Variants in CPVL observed in about 807,000 individuals in gnomAD.
CPVL encodes carboxypeptidase vitellogenic like.
CPVL carries 51 observed loss-of-function variants against 63.7 expected under a neutral mutation model. The ratio of observed to expected loss-of-function variants is 0.80; its 90% CI spans 0.64 to 1.01. CPVL has a LOEUF of 1.01. Ranked by LOEUF, CPVL falls within the 50% of genes least tolerant of loss-of-function variation. The pLI, the probability that CPVL is intolerant of heterozygous loss-of-function variation, is 0.00. For synonymous variants in CPVL, 195 were observed against 206.0 expected, an observed-to-expected ratio of 0.95 and a Z score of 0.46; for missense variants, 530 against 573.1, an observed-to-expected ratio of 0.92 and a Z score of 0.77.
At chr7:29,038,514 A>G (rs1788762326) in intron 11 of CPVL, among the ~76,000 whole-genome samples, 2 of 152,186 alleles carry the variant, frequency 1.3e-5, no homozygotes, top group African/African-American at 4.8e-5. Context: ...AGCCTGAACT[A>G]AGACAGTCAG....
At chr7:29,058,909 AT>A (rs1310863811) in intron 11 of CPVL, among the ~76,000 whole-genome samples, 1 of 151,620 alleles carries the variant, frequency 6.6e-6, no homozygotes, top group African/African-American at 2.4e-5. Context: ...ATCTGACTCC[AT>A]GTTTTCTGAG....
intron 4 of CPVL, among the ~76,000 whole-genome samples, chr7:29,184,151 TGATAGATAGATAGATAGATAGATA>T (rs56102038): frequency 1.4e-5 from 2 of 143,322 alleles, no homozygotes; most frequent in Admixed American, 7.2e-5. Flanking sequence ...TACAGATAGA[TGATAGATAGATAGATAGATAGATA>T]GATAGATAGA....
chr7:29,144,889 T>C (rs1202695340), intron 1 of CPVL, among the ~76,000 whole-genome samples: 2 of 152,182 alleles, frequency 1.3e-5, no homozygotes, highest in East Asian at 1.9e-4. Flanking sequence ...CTCAGGCTAG[T>C]AGAATCCCAC....
chr7:29,055,155 G>A (rs938310676), intron 11 of CPVL, among the ~76,000 whole-genome samples: 1 of 152,058 alleles, frequency 6.6e-6, no homozygotes, highest in African/African-American at 2.4e-5. Flanking sequence ...TTTGTGTTAG[G>A]TGACTTTTGA....
intron 6 of CPVL, among the ~76,000 whole-genome samples, 154 bp downstream of exon 6, chr7:29,092,469 C>G (rs538452361): frequency 1.7e-4 from 26 of 152,250 alleles, no homozygotes; most frequent in African/African-American, 3.9e-4. Context: ...AAATTCTGCT[C>G]TGTGTGTGTG....
At chr7:29,191,375 A>G (rs1248215041) in intron 1 of CPVL, among the ~76,000 whole-genome samples, 1 of 152,232 alleles carries the variant, frequency 6.6e-6, no homozygotes, top group Non-Finnish European at 1.5e-5. Flanking sequence ...CTTGGGAATC[A>G]GGGAAAACTT....
At chr7:29,113,956 G>T (rs970580137) in intron 2 of CPVL, among the ~76,000 whole-genome samples, 1 of 152,180 alleles carries the variant, frequency 6.6e-6, no homozygotes, top group African/African-American at 2.4e-5. Flanking sequence ...ATGTAAGTCT[G>T]AGCCATATTA....
Position 29,066,028 on chromosome 7 carries a change from A to G in CPVL, c.958T>C (p.Cys320Arg). ...GCSNYYNFLR[C>R]TEPEDQLYYV... ...GGTTTTTAAAATGTCATTACCGTGC[A>G]CCGCAAAAAGTTATAGTAATTACTA... Residue 320 changes from cysteine (C) to arginine (R), a missense_variant, in exon 10 of 13, where the codon TGC (cysteine) becomes CGC (arginine). Transcript: ENST00000265394. 6.3e-7 allele frequency: 1 copy of G among 1,577,118 alleles called. No homozygotes were observed. The highest frequency in any genetic ancestry group is 8.7e-7 in the Non-Finnish European group (1 of 1,155,906).
intron 11 of CPVL, among the ~76,000 whole-genome samples, chr7:29,056,014 T>G (rs1330597082): frequency 1.3e-5 from 2 of 152,144 alleles, no homozygotes; most frequent in African/African-American, 4.8e-5. Context: ...AAAAGGTAAA[T>G]TAATAAATTA....
Position 28,995,765 on chromosome 7 carries a change from A to G in CPVL, c.*7T>C. ...AAACCTCTGATGTTCTCTTTTGGGA[A>G]GGTAGTTTATCCAACATAAGGATCC... On this transcript the variant is annotated 3_prime_UTR_variant, in exon 13 of 13. Coordinates refer to ENST00000265394, the MANE Select transcript of CPVL (RefSeq NM_031311.5). 1 of 1,493,624 alleles carries G rather than the reference A, an allele frequency of 6.7e-7. No homozygotes were observed. The allele number at this position is 1,493,624 out of a possible 1,614,324, so 92.5% of individuals were successfully genotyped here.
At chr7:29,073,525 C>T (rs1451118144) in intron 7 of CPVL, among the ~76,000 whole-genome samples, 2 of 152,178 alleles carry the variant, frequency 1.3e-5, no homozygotes, top group Admixed American at 6.5e-5. Context: ...TCGCTCATTC[C>T]TTTCCAGCCC....
At chr7:29,075,416 C>G (rs1473104060) in intron 7 of CPVL, among the ~76,000 whole-genome samples, 1 of 151,436 alleles carries the variant, frequency 6.6e-6, no homozygotes, top group Non-Finnish European at 1.5e-5. Flanking sequence ...ATTCACATGC[C>G]TGGCTGGAAT....
chr7:29,073,365 A>T (rs928590039), intron 7 of CPVL, among the ~76,000 whole-genome samples: 3 of 152,126 alleles, frequency 2.0e-5, no homozygotes, highest in Non-Finnish European at 4.4e-5. Flanking sequence ...TCTCCATCAC[A>T]TCATCTCTGG....
At chr7:29,169,463 T>G (rs1212718866) in intron 5 of CPVL, among the ~76,000 whole-genome samples, 1 of 152,206 alleles carries the variant, frequency 6.6e-6, no homozygotes, top group Non-Finnish European at 1.5e-5. Context: ...TATATAAATG[T>G]TTATATACAA....
intron 5 of CPVL, among the ~76,000 whole-genome samples, chr7:29,153,721 C>T (rs1367878139): frequency 6.6e-6 from 1 of 152,058 alleles, no homozygotes; most frequent in Non-Finnish European, 1.5e-5. Flanking sequence ...AGGTGTGTGC[C>T]ACCACACCCA....
Position 29,120,820 on chromosome 7 carries a change from A to C in CPVL, c.169+73T>G, listed in dbSNP as rs1789290938. The C allele has an allele frequency of 1.6e-5, 5 of 322,108 alleles. No individual in the cohort carries two copies. The South Asian group carries it at 3.5e-4, about 22-fold the overall frequency. 20.0% of individuals were successfully genotyped at this position (322,108 alleles called of 1,614,324 possible). ...TAGTGACAGGCGAGACTTCGTCTCAAAAAAAAAAAAAAAAAAAAGAGAAAC... is the reference window on the plus strand; with the variant it reads ...TAGTGACAGGCGAGACTTCGTCTCACAAAAAAAAAAAAAAAAAAGAGAAAC... On this transcript the variant is annotated intron_variant, in intron 2 of 12. Coordinates refer to ENST00000265394, the MANE Select transcript of CPVL (RefSeq NM_031311.5).
chr7:29,195,268 GA>G, exon 1 of CPVL: 1 of 398,870 alleles, frequency 2.5e-6, no homozygotes, highest in Non-Finnish European at 4.4e-6. Flanking sequence ...AGCGAAAAGC[GA>G]AAGGAGCGGG....
chr7:29,182,216 A>G (rs1272080251), intron 4 of CPVL, among the ~76,000 whole-genome samples: 1 of 152,264 alleles, frequency 6.6e-6, no homozygotes, highest in East Asian at 1.9e-4. Flanking sequence ...GATGCTCTAC[A>G]GAAGAGAAGG....
At chr7:29,157,735 CAT>C (rs1794607893) in intron 5 of CPVL, among the ~76,000 whole-genome samples, 1 of 152,108 alleles carries the variant, frequency 6.6e-6, no homozygotes, top group Non-Finnish European at 1.5e-5. Context: ...TGATAGAAAA[CAT>C]ATTTTCAATA....
Sources: gnomAD v4.1 joint callset for allele counts (sites outside exome capture counted in the v4.1 genomes callset) on GRCh38, gnomAD v4.1.1 for gene constraint, MANE v1.5 for transcripts, NCBI Gene and HGNC (gene_info 2026-07-23, HGNC 2026-07-21) for gene names.